Variants in TRMT11 observed in about 807,000 individuals in gnomAD.
TRMT11 encodes the protein tRNA (guanine(10)-N(2))-methyltransferase TRMT11.
In TRMT11, 53 loss-of-function variants were observed where a neutral mutation model predicts 62.8. The ratio of observed to expected loss-of-function variants is 0.84; its 90% confidence interval spans 0.68 to 1.06. The LOEUF is 1.06. Among genes scored for constraint, TRMT11 ranks in the 50% least tolerant of loss-of-function variants. The probability of loss-of-function intolerance (pLI) is 0.00; values close to 1 mark genes in which losing one functional copy is unlikely to be tolerated. For synonymous variants in TRMT11, 188 were observed against 190.3 expected, an observed-to-expected ratio of 0.99 and a Z score of 0.10; for missense variants, 556 against 553.4, an observed-to-expected ratio of 1.00 and a Z score of -0.05.
exon 20 of TRMT11, among the ~76,000 whole-genome samples, chr6:126,115,483 T>A (rs1777576699): frequency 6.6e-6 from 1 of 152,146 alleles, no homozygotes; most frequent in Non-Finnish European, 1.5e-5. Context: ...CACCTGATAT[T>A]TGAAGTTTAG....
chr6:126,043,623 T>C (rs1194126852), downstream of TRMT11, among the ~76,000 whole-genome samples: 128 of 152,002 alleles, frequency 8.4e-4, no homozygotes, highest in African/African-American at 2.8e-3. Flanking sequence ...CCTGAGGAAT[T>C]GCCACACTGA....
At chr6:126,223,852 C>G in the TRMT11 span, among the ~76,000 whole-genome samples, 12 of 152,214 alleles carry the variant, frequency 7.9e-5, no homozygotes, top group East Asian at 2.1e-3. Flanking sequence ...TTTGTTCATT[C>G]TTTTTCTTTA....
chr6:126,105,717 A>G (rs1777457378), intron 17 of TRMT11, among the ~76,000 whole-genome samples: 1 of 152,170 alleles, frequency 6.6e-6, no homozygotes, highest in African/African-American at 2.4e-5. Flanking sequence ...TTGATTTTCA[A>G]TATGGAGAGT....
intron 16 of TRMT11, among the ~76,000 whole-genome samples, chr6:126,047,575 G>C (rs562607542): frequency 6.6e-6 from 1 of 152,022 alleles, no homozygotes; most frequent in Non-Finnish European, 1.5e-5. Flanking sequence ...ACAAGGACCC[G>C]GGTATCAAGA....
intron 1 of TRMT11, among the ~76,000 whole-genome samples, chr6:125,991,515 A>C (rs1790626358): frequency 6.6e-6 from 1 of 152,004 alleles, no homozygotes; most frequent in Non-Finnish European, 1.5e-5. Flanking sequence ...CTGTGTTGCC[A>C]GGGTTGGTCT....
chr6:126,085,539 C>T (rs570117708), intron 17 of TRMT11, among the ~76,000 whole-genome samples: 28 of 152,088 alleles, frequency 1.8e-4, no homozygotes, highest in Non-Finnish European at 3.1e-4. Context: ...TTGTTTCCTC[C>T]GGCCCTGATC....
chr6:126,265,770 G>A, the TRMT11 span, among the ~76,000 whole-genome samples: 2 of 152,034 alleles, frequency 1.3e-5, no homozygotes, highest in African/African-American at 4.8e-5. Flanking sequence ...CTTGATCTTA[G>A]CATCAATAAT....
intron 17 of TRMT11, among the ~76,000 whole-genome samples, chr6:126,076,928 C>T (rs1777040870): frequency 6.6e-6 from 1 of 152,156 alleles, no homozygotes. Flanking sequence ...CTATTCTGAT[C>T]ATCTCCACAA....
intron 1 of TRMT11, among the ~76,000 whole-genome samples, chr6:126,184,165 G>A: frequency 6.6e-6 from 1 of 152,158 alleles, no homozygotes; most frequent in Non-Finnish European, 1.5e-5. Context: ...ACCTTATGAA[G>A]CACAGGTAAT....
intron 17 of TRMT11, among the ~76,000 whole-genome samples, chr6:126,110,975 A>C (rs994202018): frequency 3.3e-5 from 5 of 152,152 alleles, no homozygotes; most frequent in African/African-American, 1.2e-4. Flanking sequence ...GCATTTTCAG[A>C]AAAATTAGGT....
chr6:126,056,575 C>T (rs181456690), intron 17 of TRMT11, among the ~76,000 whole-genome samples: 4 of 152,112 alleles, frequency 2.6e-5, no homozygotes, highest in Non-Finnish European at 5.9e-5. Flanking sequence ...AGCTTATTTC[C>T]TGGGCTACTC....
At chr6:125,986,697 T>G (rs1242897082) in intron 1 of TRMT11, 75 bp downstream of exon 1, 2 of 1,383,346 alleles carry the variant, frequency 1.4e-6, no homozygotes, top group Non-Finnish European at 2.0e-6. Context: ...GGAGGTGATC[T>G]GCATAGCCCG....
intron 21 of TRMT11, among the ~76,000 whole-genome samples, chr6:126,161,067 TTTA>T (rs553769889): frequency 1.5e-3 from 226 of 152,186 alleles, no homozygotes; most frequent in African/African-American, 5.2e-3. Flanking sequence ...TATGGTTCTT[TTTA>T]TTATTATTAT....
chr6:126,018,549 C>G (rs1795321054), intron 11 of TRMT11, among the ~76,000 whole-genome samples: 1 of 150,658 alleles, frequency 6.6e-6, no homozygotes, highest in African/African-American at 2.4e-5. Flanking sequence ...TTAGTTTATC[C>G]ACAAAGTTGT....
At chr6:126,043,861 A>C (rs1190416485), downstream of TRMT11, among the ~76,000 whole-genome samples, 16 of 152,248 alleles carry the variant, frequency 1.1e-4, no homozygotes, top group Non-Finnish European at 4.4e-5. Context: ...TCTTTTGAGA[A>C]GTGTCTGTTC....
intron 17 of TRMT11, among the ~76,000 whole-genome samples, chr6:126,069,457 T>C (rs1776784890): frequency 6.6e-6 from 1 of 152,176 alleles, no homozygotes; most frequent in Non-Finnish European, 1.5e-5. Context: ...TTTTCTTTTC[T>C]TTTTTTTCTT....
intron 1 of TRMT11, among the ~76,000 whole-genome samples, chr6:126,185,518 C>T (rs1232604266): frequency 6.6e-6 from 1 of 152,120 alleles, no homozygotes; most frequent in Non-Finnish European, 1.5e-5. Context: ...TACTGATATG[C>T]TTTTCTAATT....
chr6:126,193,659 A>AT (rs1178504858), intron 1 of TRMT11, among the ~76,000 whole-genome samples: 2 of 150,418 alleles, frequency 1.3e-5, no homozygotes, highest in African/African-American at 2.4e-5. Context: ...CGCCTGGCTA[A>AT]TTTTTTCTAT....
At chr6:126,048,945 T>C (rs570103466) in intron 16 of TRMT11, among the ~76,000 whole-genome samples, 1 of 152,322 alleles carries the variant, frequency 6.6e-6, no homozygotes, top group South Asian at 2.1e-4. Context: ...CCCTTGAAAC[T>C]AATCTGTGTC....
Sources: gnomAD v4.1 joint callset for allele counts (sites outside exome capture counted in the v4.1 genomes callset) on GRCh38, gnomAD v4.1.1 for gene constraint, MANE v1.5 for transcripts, NCBI Gene and HGNC (gene_info 2026-07-23, HGNC 2026-07-21) for gene names.